Variants in SNX18 observed in about 807,000 individuals in gnomAD.
SNX18 encodes sorting nexin-18.
A neutral mutation model predicts 48.7 loss-of-function variants in SNX18; 35 were observed. The observed-to-expected ratio is 0.72, with a 90% CI of 0.55 to 0.95. SNX18 has a LOEUF of 0.95. Ranked by LOEUF, SNX18 falls within the 40% of genes least tolerant of loss-of-function variation. SNX18 has a pLI of 0.00. For synonymous variants in SNX18, 492 were observed against 384.7 expected (o/e 1.28, Z -3.26); for missense variants, 824 against 871.0 (o/e 0.95, Z 0.68).
At chr5:54,634,529 C>T in the SNX18 span, among the ~76,000 whole-genome samples, 7 of 151,810 alleles carry the variant, frequency 4.6e-5, no homozygotes, top group South Asian at 4.2e-4. Context: ...AATTTTTTTG[C>T]GATTTTTTTT....
Position 54,519,190 on chromosome 5 carries a change from C to T in SNX18, c.1238C>T (p.Thr413Met), listed in dbSNP as rs772068237. 3 of 1,613,666 alleles carry T rather than the reference C, an allele frequency of 1.9e-6. No homozygotes were observed. The highest frequency in any genetic ancestry group is 1.7e-6 in the Non-Finnish European group (2 of 1,179,800). Residue 413 changes from threonine to methionine, a missense_variant, in exon 1 of 2, where the codon ACG becomes ATG. Transcript: ENST00000381410. ...VGANFFLTLS[T>M]PPAAALDLQE... The stretch of plus-strand genomic sequence containing the variant: ...GCCAACTTCTTCCTGACCCTTAGCA[C>T]GCCCCCCGCCGCTGCCCTTGACCTG...
the SNX18 span, among the ~76,000 whole-genome samples, chr5:54,578,644 C>A: frequency 6.6e-6 from 1 of 152,174 alleles, no homozygotes; most frequent in Non-Finnish European, 1.5e-5. Flanking sequence ...GGTCCCCCTG[C>A]CCCAGGGAGA....
the SNX18 span, among the ~76,000 whole-genome samples, chr5:54,573,822 G>C: frequency 4.6e-5 from 7 of 152,196 alleles, no homozygotes; most frequent in Admixed American, 1.3e-4. Flanking sequence ...GCATCTGGTA[G>C]ACTCAGTGCA....
chr5:54,620,410 TAGAG>T, the SNX18 span, among the ~76,000 whole-genome samples: 1 of 152,116 alleles, frequency 6.6e-6, no homozygotes, highest in Non-Finnish European at 1.5e-5. Context: ...GGTAATCTGT[TAGAG>T]AGGTGTCAGT....
the SNX18 span, among the ~76,000 whole-genome samples, chr5:54,624,543 T>C: frequency 6.6e-6 from 1 of 152,196 alleles, no homozygotes; most frequent in Non-Finnish European, 1.5e-5. Flanking sequence ...ATTCAGAACT[T>C]ACAAGTATCG....
chr5:54,642,305 G>A, the SNX18 span, among the ~76,000 whole-genome samples: 1 of 152,066 alleles, frequency 6.6e-6, no homozygotes, highest in Admixed American at 6.5e-5. Flanking sequence ...TATTATCTCA[G>A]TGCTCTAAAA....
chr5:54,625,786 CAT>C, the SNX18 span, among the ~76,000 whole-genome samples: 1 of 152,230 alleles, frequency 6.6e-6, no homozygotes, highest in Middle Eastern at 3.4e-3. Context: ...TGGATAGGCA[CAT>C]GATCCAAACC....
chr5:54,585,128 C>A, the SNX18 span, among the ~76,000 whole-genome samples: 2 of 151,868 alleles, frequency 1.3e-5, no homozygotes, highest in African/African-American at 4.8e-5. Flanking sequence ...CCCATCTCTA[C>A]AATAAATTTT....
intron 1 of SNX18, among the ~76,000 whole-genome samples, chr5:54,535,220 C>T (rs1264323329): frequency 6.6e-6 from 1 of 152,138 alleles, no homozygotes; most frequent in Admixed American, 6.5e-5. Flanking sequence ...TCCTTTAGAA[C>T]TGCGAGATGG....
the SNX18 span, among the ~76,000 whole-genome samples, chr5:54,647,064 T>C: frequency 6.6e-6 from 1 of 152,224 alleles, no homozygotes; most frequent in African/African-American, 2.4e-5. Context: ...GATCGTGCTT[T>C]GTCACATGTG....
chr5:54,524,841 A>T (rs990381434), intron 1 of SNX18, among the ~76,000 whole-genome samples: 14 of 152,234 alleles, frequency 9.2e-5, no homozygotes, highest in Non-Finnish European at 1.6e-4. Context: ...GAGTTATTTG[A>T]CTAGCTACAG....
chr5:54,564,109 CA>C, the SNX18 span, among the ~76,000 whole-genome samples: 2 of 151,652 alleles, frequency 1.3e-5, no homozygotes, highest in African/African-American at 4.8e-5. Flanking sequence ...ACTAAAAATT[CA>C]AAAAAATTAG....
chr5:54,588,953 G>A, the SNX18 span, among the ~76,000 whole-genome samples: 16 of 152,186 alleles, frequency 1.1e-4, no homozygotes, highest in African/African-American at 2.9e-4. Context: ...AACCATGTCT[G>A]TGGAGCAACT....
At chr5:54,635,126 GACATAAAC>G in the SNX18 span, among the ~76,000 whole-genome samples, 1 of 151,532 alleles carries the variant, frequency 6.6e-6, no homozygotes, top group East Asian at 1.9e-4. Flanking sequence ...CTTATTGGTA[GACATAAAC>G]ACATTTTGTG....
At chr5:54,643,812 T>C in the SNX18 span, 1 of 152,238 alleles carries the variant, frequency 6.6e-6, no homozygotes, top group Non-Finnish European at 1.5e-5. Context: ...CACCGACTGA[T>C]ACCATCATTT....
At chr5:54,538,641 G>A (rs1762402728) in intron 1 of SNX18, among the ~76,000 whole-genome samples, 1 of 152,154 alleles carries the variant, frequency 6.6e-6, no homozygotes, top group Non-Finnish European at 1.5e-5. Context: ...TTAAAACTTT[G>A]CAAAGTATTT....
At chr5:54,639,625 A>C in the SNX18 span, among the ~76,000 whole-genome samples, 1 of 152,156 alleles carries the variant, frequency 6.6e-6, no homozygotes, top group Admixed American at 6.6e-5. Context: ...AATCTTGAGG[A>C]CCAGAAATAG....
the SNX18 span, among the ~76,000 whole-genome samples, chr5:54,576,954 A>C: frequency 6.6e-5 from 10 of 151,782 alleles, no homozygotes; most frequent in Non-Finnish European, 1.5e-4. Flanking sequence ...GGCGCCCACC[A>C]CCACGCCCAG....
the SNX18 span, among the ~76,000 whole-genome samples, chr5:54,579,220 A>ATAGT: frequency 6.6e-6 from 1 of 151,978 alleles, no homozygotes; most frequent in Non-Finnish European, 1.5e-5. Context: ...GCACACACCT[A>ATAGT]TAGTTATAGC....
Sources: gnomAD v4.1 joint callset for allele counts (sites outside exome capture counted in the v4.1 genomes callset) on GRCh38, gnomAD v4.1.1 for gene constraint, MANE v1.5 for transcripts, NCBI Gene and HGNC (gene_info 2026-07-23, HGNC 2026-07-21) for gene names.